Variants in FANCC observed in about 807,000 individuals in gnomAD.
The protein encoded by FANCC is FA complementation group C.
FANCC carries 55 observed loss-of-function variants against 71.3 expected under a neutral mutation model. That is an observed-to-expected ratio of 0.77 (90% CI 0.62 to 0.97). The LOEUF is 0.97. Among genes scored for constraint, FANCC ranks in the 50% least tolerant of loss-of-function variants. FANCC has a pLI of 0.00. For missense variants in FANCC, 678 were observed against 670.9 expected (o/e 1.01, Z -0.12); for synonymous variants, 275 against 244.9 (o/e 1.12, Z -1.15).
chr9:95,128,054 T>C (rs1369427854), intron 8 of FANCC, among the ~76,000 whole-genome samples: 1 of 152,218 alleles, frequency 6.6e-6, no homozygotes, highest in Non-Finnish European at 1.5e-5. Flanking sequence ...AAGAAAATAA[T>C]TTGGCAGGAC....
chr9:95,301,422 T>G (rs906327518), intron 1 of FANCC, among the ~76,000 whole-genome samples: 3 of 151,310 alleles, frequency 2.0e-5, no homozygotes, highest in African/African-American at 4.9e-5. Context: ...GGGTTTTTTG[T>G]TTTTTTTGGT....
At chr9:95,176,863 C>G (rs1162211701) in intron 4 of FANCC, among the ~76,000 whole-genome samples, 1 of 152,220 alleles carries the variant, frequency 6.6e-6, no homozygotes, top group Non-Finnish European at 1.5e-5. Flanking sequence ...CATGCCCAGG[C>G]TTTCCCCTAA....
At chr9:95,246,650 T>C (rs1013271517) in intron 3 of FANCC, among the ~76,000 whole-genome samples, 2 of 151,842 alleles carry the variant, frequency 1.3e-5, no homozygotes, top group African/African-American at 2.4e-5. Flanking sequence ...CATCAGACAG[T>C]GAAGTAAGTG....
At chr9:95,212,275 G>A (rs1828556118) in intron 4 of FANCC, among the ~76,000 whole-genome samples, 1 of 152,056 alleles carries the variant, frequency 6.6e-6, no homozygotes, top group Non-Finnish European at 1.5e-5. Context: ...AAAGACTCCA[G>A]CTAGGATGAA....
intron 1 of FANCC, among the ~76,000 whole-genome samples, chr9:95,297,023 A>T (rs1672906498): frequency 1.3e-5 from 2 of 152,238 alleles, no homozygotes; most frequent in Non-Finnish European, 2.9e-5. Flanking sequence ...CAGAGTGAGA[A>T]GTGTTACATA....
intron 12 of FANCC, chr9:95,114,377 G>A (rs958703792): frequency 1.7e-5 from 9 of 532,344 alleles, no homozygotes; most frequent in East Asian, 3.4e-5. Flanking sequence ...AAAACCAGAC[G>A]TTAATGTAGA....
At chr9:95,308,188 C>T (rs1426025828) in intron 1 of FANCC, among the ~76,000 whole-genome samples, 3 of 152,096 alleles carry the variant, frequency 2.0e-5, no homozygotes, top group African/African-American at 7.2e-5. Flanking sequence ...ACCATTTTGC[C>T]TCAAAAACAT....
At chr9:95,217,384 C>CTGCCT (rs1176179182) in intron 4 of FANCC, among the ~76,000 whole-genome samples, 1 of 151,720 alleles carries the variant, frequency 6.6e-6, no homozygotes, top group Non-Finnish European at 1.5e-5. Context: ...ACTCGGGAGG[C>CTGCCT]TGAGGCAGGA....
intron 12 of FANCC, among the ~76,000 whole-genome samples, chr9:95,113,375 A>G (rs1438695550): frequency 6.6e-6 from 1 of 152,240 alleles, no homozygotes; most frequent in African/African-American, 2.4e-5. Context: ...AGCAGGGACA[A>G]TGAATAAAAT....
chr9:95,117,322 G>A lies in FANCC; in HGVS notation c.1065C>T (p.Asp355=). The change falls in exon 11 of 15, where the codon GAC becomes GAT. Residue 355 remains aspartate (D), a synonymous_variant. Transcript: ENST00000289081. Reference sequence around the variant, plus strand: ...AAGTCAACCCTAACTCACCTTGAGGGTCTTGCAGCAGCACCATGGCAAGAG... The same window carrying A: ...AAGTCAACCCTAACTCACCTTGAGGATCTTGCAGCAGCACCATGGCAAGAG... The part of the protein sequence containing the change: ...SPSLAMVLLQ[D]PQDIPRGHWL... The A allele has an allele frequency of 4.3e-6, 7 of 1,614,018 alleles. No individual in the cohort carries two copies. The highest frequency in any genetic ancestry group is 5.9e-6 in the Non-Finnish European group (7 of 1,179,952).
chr9:95,205,725 C>G (rs952050318), intron 4 of FANCC, among the ~76,000 whole-genome samples: 1 of 152,016 alleles, frequency 6.6e-6, no homozygotes, highest in African/African-American at 2.4e-5. Context: ...TGACTTGCTT[C>G]TTTTATCAAT....
intron 13 of FANCC, among the ~76,000 whole-genome samples, chr9:95,109,256 G>C (rs1188709894): frequency 6.6e-6 from 1 of 152,130 alleles, no homozygotes; most frequent in Non-Finnish European, 1.5e-5. Flanking sequence ...CTATTCCATG[G>C]TTAGGATATA....
chr9:95,170,122 T>G (rs1231045876), intron 6 of FANCC, among the ~76,000 whole-genome samples: 1 of 152,202 alleles, frequency 6.6e-6, no homozygotes, highest in African/African-American at 2.4e-5. Flanking sequence ...TAAGGTCTTT[T>G]TGAATAAATT....
intron 4 of FANCC, among the ~76,000 whole-genome samples, chr9:95,202,206 G>A (rs374731815): frequency 7.9e-5 from 12 of 152,240 alleles, no homozygotes; most frequent in African/African-American, 2.9e-4. Flanking sequence ...CTAAAAGGAA[G>A]GCTCCAGGGG....
intron 1 of FANCC, among the ~76,000 whole-genome samples, chr9:95,295,591 C>A (rs937637493): frequency 6.6e-6 from 1 of 151,914 alleles, no homozygotes; most frequent in African/African-American, 2.4e-5. Context: ...GGCAACAGAG[C>A]AAAACCCCAT....
chr9:95,315,884 C>T (rs924830697), intron 1 of FANCC, among the ~76,000 whole-genome samples: 1 of 152,206 alleles, frequency 6.6e-6, no homozygotes, highest in Non-Finnish European at 1.5e-5. Flanking sequence ...GAACTACCTG[C>T]TGAAATATGG....
chr9:95,173,345 C>T (rs1698466128), intron 4 of FANCC, among the ~76,000 whole-genome samples: 1 of 152,128 alleles, frequency 6.6e-6, no homozygotes, highest in Non-Finnish European at 1.5e-5. Context: ...AGGGGTGTGT[C>T]TGCCTAGAGG....
chr9:95,232,528 T>C (rs972302289), intron 4 of FANCC, among the ~76,000 whole-genome samples: 10 of 152,218 alleles, frequency 6.6e-5, no homozygotes, highest in African/African-American at 1.2e-4. Context: ...AAATTCACTA[T>C]TTATTCATAA....
intron 5 of FANCC, among the ~76,000 whole-genome samples, chr9:95,171,643 A>T (rs1481348589): frequency 6.6e-6 from 1 of 152,206 alleles, no homozygotes; most frequent in Non-Finnish European, 1.5e-5. Context: ...GTAAATATTT[A>T]AAACTATGTA....
Sources: allele counts gnomAD v4.1 joint callset (sites outside exome capture counted in the v4.1 genomes callset), GRCh38; gene constraint gnomAD v4.1.1; transcripts MANE v1.5; gene names NCBI Gene and HGNC (gene_info 2026-07-23, HGNC 2026-07-21).